Variants in GARNL3 observed in about 807,000 individuals in gnomAD.
GARNL3 encodes GTPase-activating Rap/Ran-GAP domain-like protein 3.
GARNL3 carries 63 observed loss-of-function variants against 125.0 expected under a neutral mutation model. That is an observed-to-expected ratio of 0.50 (90% CI 0.41 to 0.62). The LOEUF (loss-of-function observed/expected upper bound fraction) is 0.62. GARNL3 is among the 20% of genes least tolerant of loss of function. GARNL3 has a pLI of 0.00. For missense variants in GARNL3, 994 were observed against 1,244.0 expected (o/e 0.80, Z 3.02); for synonymous variants, 439 against 457.5 (o/e 0.96, Z 0.52).
chr9:127,310,468 A>T (rs2065063186), intron 2 of GARNL3, among the ~76,000 whole-genome samples: 1 of 152,232 alleles, frequency 6.6e-6, no homozygotes, highest in Non-Finnish European at 1.5e-5. Context: ...CAATAAAAAT[A>T]TGAAGAAAAG....
intron 1 of GARNL3, among the ~76,000 whole-genome samples, chr9:127,275,577 G>T (rs1485288467): frequency 6.6e-6 from 1 of 152,114 alleles, no homozygotes; most frequent in East Asian, 1.9e-4. Context: ...AAGAGCTTTT[G>T]GCCCTGTTTG....
At chr9:127,352,109 C>T (rs913455833) in intron 17 of GARNL3, among the ~76,000 whole-genome samples, 14 of 152,170 alleles carry the variant, frequency 9.2e-5, no homozygotes, top group African/African-American at 3.4e-4. Context: ...CTGCTGTGGT[C>T]GCATCTCTAT....
chr9:127,293,309 G>T (rs1307282998), intron 2 of GARNL3, among the ~76,000 whole-genome samples: 1 of 152,168 alleles, frequency 6.6e-6, no homozygotes, highest in Admixed American at 6.5e-5. Flanking sequence ...TGGGTTATTT[G>T]TGCTTTTATT....
Position 127,392,620 on chromosome 9 carries a change from C to G in GARNL3, c.2871-463C>G, listed in dbSNP as rs947475423. 7.9e-5 allele frequency among the ~76,000 whole-genome samples: 12 copies of G among 152,330 alleles called. No homozygotes were observed. The East Asian group carries it at 1.2e-3, about 15-fold the overall frequency. ...TGAGTATTTGTGGAATGCATTAACT[C>G]TCTGAGAAGTGGAAACCAATATTGG... On this transcript the variant is annotated intron_variant, in intron 27 of 27. Transcript: ENST00000373387. This position sits in a 1 kb window ranked among gnomAD's most constrained non-coding sequence, Gnocchi z 5.2.
intron 1 of GARNL3, among the ~76,000 whole-genome samples, chr9:127,289,783 G>A (rs544022611): frequency 2.5e-4 from 38 of 152,358 alleles, no homozygotes; most frequent in African/African-American, 7.7e-4. Flanking sequence ...CCTCTGTTTG[G>A]ACAAGTTGAA....
intron 1 of GARNL3, among the ~76,000 whole-genome samples, chr9:127,240,799 T>A (rs1238897562): frequency 6.8e-6 from 1 of 147,506 alleles, no homozygotes; most frequent in East Asian, 2.0e-4. Flanking sequence ...TCCCAGCTAC[T>A]CAGGAGGTTG....
intron 2 of GARNL3, among the ~76,000 whole-genome samples, chr9:127,303,238 C>G (rs1417496636): frequency 1.3e-5 from 2 of 152,062 alleles, no homozygotes; most frequent in African/African-American, 4.8e-5. Context: ...ACTACTGTCC[C>G]ATTTATGAAA....
chr9:127,363,837 A>T (rs1831141244), intron 21 of GARNL3: 1 of 152,224 alleles, frequency 6.6e-6, no homozygotes, highest in Admixed American at 6.5e-5. Context: ...TTAGAAGGAA[A>T]GCTGGTTGTG....
At chr9:127,347,818 T>C (rs1001401123) in intron 16 of GARNL3, among the ~76,000 whole-genome samples, 10 of 152,168 alleles carry the variant, frequency 6.6e-5, no homozygotes, top group Non-Finnish European at 1.3e-4. Context: ...TCACATTCTT[T>C]AGGGGATCTT....
At chr9:127,330,243 T>C (rs1299540287) in intron 7 of GARNL3, among the ~76,000 whole-genome samples, 1 of 152,230 alleles carries the variant, frequency 6.6e-6, no homozygotes, top group African/African-American at 2.4e-5. Flanking sequence ...CCCAAATTAC[T>C]GTAGGTGCTT....
intron 1 of GARNL3, among the ~76,000 whole-genome samples, chr9:127,267,640 T>C (rs953532509): frequency 9.8e-5 from 15 of 152,348 alleles, no homozygotes; most frequent in African/African-American, 3.6e-4. Flanking sequence ...TCTTATTATC[T>C]GAGGATCTCT....
chr9:127,275,761 A>G (rs1264209243), intron 1 of GARNL3, among the ~76,000 whole-genome samples: 1 of 152,164 alleles, frequency 6.6e-6, no homozygotes, highest in Non-Finnish European at 1.5e-5. Flanking sequence ...TAATATTTTT[A>G]TATTGAACTA....
chr9:127,390,676 G>A lies in GARNL3; in HGVS notation c.2779G>A (p.Ala927Thr), dbSNP rs1832773126. ...TGAAGGTGGACCCAAGTCAGAAGGA[G>A]CGCCAAAGGCCAAATCAAAACCCCG... is the stretch of plus-strand genomic sequence containing the variant. ...SDEGGPKSEGAPKAKSKPRKR... is the reference protein window; with the variant it reads ...SDEGGPKSEGTPKAKSKPRKR... The change falls in exon 27 of 28, where the codon GCG (alanine) becomes ACG (threonine). Residue 927 changes from alanine (A) to threonine (T), a missense_variant. Ala to Thr is a moderately conservative substitution (Grantham distance 58). Transcript: ENST00000373387. 6.2e-7 allele frequency: 1 copy of A among 1,613,834 alleles called. No homozygotes were observed. Among genetic ancestry groups the A allele is most frequent in the African/African-American group, 1.3e-5 (1 of 74,900 alleles).
intron 24 of GARNL3, 56 bp from the exon 25 acceptor site, chr9:127,387,137 T>C: frequency 6.4e-7 from 1 of 1,562,136 alleles, no homozygotes; most frequent in Non-Finnish European, 8.7e-7. Flanking sequence ...GGAGGGCCAG[T>C]GGATGCAAGG....
In GARNL3 at chr9:127,384,928, G is replaced by A. The variant is rs1052173143; in HGVS notation, c.2270-99G>A. Reference sequence around the variant, plus strand: ...AGAAGCAGCCAGAGGAATGAGAGATGGAAGTTTCTAGAGAAGTGAGTGTGA... The same window carrying A: ...AGAAGCAGCCAGAGGAATGAGAGATAGAAGTTTCTAGAGAAGTGAGTGTGA... On this transcript the variant is annotated intron_variant, in intron 23 of 27. Transcript: ENST00000373387. This position sits in a 1 kb window ranked among gnomAD's most constrained non-coding sequence, Gnocchi z 4.0. 1.6e-6 allele frequency: 1 copy of A among 621,880 alleles called. No individual in the cohort carries two copies. The highest frequency in any genetic ancestry group is 1.9e-5 in the African/African-American group (1 of 53,780). 38.5% of individuals were successfully genotyped at this position (621,880 alleles called of 1,614,324 possible).
At chr9:127,375,877 C>A (rs1206015081) in intron 22 of GARNL3, among the ~76,000 whole-genome samples, 1 of 152,198 alleles carries the variant, frequency 6.6e-6, no homozygotes, top group East Asian at 1.9e-4. Context: ...GGAACTAAGT[C>A]CTCTGCCAAG....
At chr9:127,367,680 G>C (rs1460347384) in intron 22 of GARNL3, among the ~76,000 whole-genome samples, 8 of 152,124 alleles carry the variant, frequency 5.3e-5, no homozygotes, top group Non-Finnish European at 7.3e-5. Flanking sequence ...CACCTTTAAT[G>C]CAAGTAATTT....
intron 2 of GARNL3, among the ~76,000 whole-genome samples, chr9:127,251,187 C>T (rs1472049532): frequency 2.0e-5 from 3 of 152,172 alleles, no homozygotes; most frequent in Admixed American, 6.5e-5. Context: ...CCTAAATTCA[C>T]CTTAGTCAGC....
chr9:127,342,095 A>T, intron 13 of GARNL3, 124 bp from the exon 14 acceptor site: 1 of 684,800 alleles, frequency 1.5e-6, no homozygotes, highest in Non-Finnish European at 2.6e-6. Flanking sequence ...CAGAAAAAAA[A>T]CCTCAAACAA....
Sources: gnomAD v4.1 joint callset for allele counts (sites outside exome capture counted in the v4.1 genomes callset) on GRCh38, gnomAD v4.1.1 for gene constraint, Gnocchi (gnomAD v3.1) non-coding constraint, MANE v1.5 for transcripts, NCBI Gene and HGNC (gene_info 2026-07-23, HGNC 2026-07-21) for gene names.